USH2A: variants seen among roughly 807,000 people sequenced by gnomAD.
USH2A encodes the protein usherin, also known as Usher syndrome 2A (autosomal recessive, mild).
Under a neutral mutation model 538.9 loss-of-function variants are expected in USH2A, and 443 were observed. The observed-to-expected ratio is 0.82, with a 90% CI of 0.76 to 0.89. The LOEUF (loss-of-function observed/expected upper bound fraction) is 0.89, where lower values mean the gene tolerates loss of function less well. Ranked by LOEUF, USH2A falls within the 40% of genes least tolerant of loss-of-function variation. The probability of loss-of-function intolerance (pLI) is 0.00; values close to 1 mark genes in which losing one functional copy is unlikely to be tolerated. For missense variants in USH2A, 6,633 were observed against 6,324.8 expected (o/e 1.05, Z -1.65); for synonymous variants, 2,413 against 2,273.5 (o/e 1.06, Z -1.75).
rs555198000 is a variant in USH2A at position 216,057,257 on chromosome 1, A to G, written c.6050-8610T>C. ...CTCATCAACACTGCATTACCTAATG[A>G]AATCTTTCTACATTAGCTAAGCAGG... On this transcript the variant is annotated intron_variant, in intron 30 of 71. Coordinates refer to ENST00000307340, the MANE Select transcript of USH2A (RefSeq NM_206933.4). Among the ~76,000 whole-genome samples the G allele has an allele frequency of 2.6e-5, 4 of 152,348 alleles. No individual in the cohort carries two copies. The South Asian group carries it at 8.3e-4, about 32-fold the overall frequency.
intron 4 of USH2A, among the ~76,000 whole-genome samples, chr1:216,334,307 G>A (rs1424776174): frequency 6.6e-6 from 1 of 151,882 alleles, no homozygotes; most frequent in African/African-American, 2.4e-5. Context: ...AGATGTTAAT[G>A]ATAACATCCT....
At chr1:215,804,596 A>G (rs1662439455) in intron 49 of USH2A, among the ~76,000 whole-genome samples, 1 of 147,802 alleles carries the variant, frequency 6.8e-6, no homozygotes, top group East Asian at 2.1e-4. Context: ...ACTATCTCAC[A>G]CCAGTTAGAA....
In USH2A at chr1:216,217,816, G is replaced by T. The variant is rs868601196; in HGVS notation, c.2994-266C>A. Among the ~76,000 whole-genome samples the T allele has an allele frequency of 2.0e-5, 3 of 151,916 alleles. No individual in the cohort carries two copies. The East Asian group carries it at 5.8e-4, about 29-fold the overall frequency. ...TAATAGCAAAAAAAGATATTATATT[G>T]CTTTTTTACATCCCACAATATATCT... On this transcript the variant is annotated intron_variant, in intron 14 of 71. Coordinates refer to ENST00000307340, the MANE Select transcript of USH2A (RefSeq NM_206933.4).
intron 59 of USH2A, among the ~76,000 whole-genome samples, chr1:215,742,633 G>A (rs1051374997): frequency 5.9e-5 from 9 of 152,066 alleles, no homozygotes; most frequent in African/African-American, 2.2e-4. Context: ...GGAAATGGGG[G>A]AGGCTTTTCC....
At chr1:216,286,439 A>G (rs1317817469) in intron 11 of USH2A, among the ~76,000 whole-genome samples, 3 of 152,016 alleles carry the variant, frequency 2.0e-5, no homozygotes, top group Admixed American at 6.6e-5. Context: ...CATTAAATCT[A>G]TTCTTCTGGC....
intron 10 of USH2A, among the ~76,000 whole-genome samples, chr1:216,289,675 A>G (rs2036963431): frequency 6.6e-6 from 1 of 152,128 alleles, no homozygotes; most frequent in Non-Finnish European, 1.5e-5. Flanking sequence ...AGGGGCCCAT[A>G]CATTTGGAAA....
At chr1:215,983,634 C>A (rs1667806210) in intron 35 of USH2A, among the ~76,000 whole-genome samples, 1 of 152,132 alleles carries the variant, frequency 6.6e-6, no homozygotes, top group South Asian at 2.1e-4. Flanking sequence ...AAAACAAACA[C>A]ACACACACAA....
intron 32 of USH2A, among the ~76,000 whole-genome samples, chr1:216,010,585 T>G (rs189247722): frequency 6.6e-6 from 1 of 151,854 alleles, no homozygotes; most frequent in Admixed American, 6.6e-5. Flanking sequence ...CGGAGGCTAC[T>G]CACTCCACAT....
rs1211402887 is a variant in USH2A at position 215,970,745 on chromosome 1, A to G, written c.6837T>C (p.Asp2279=). 1 of 1,613,550 alleles carries G rather than the reference A, an allele frequency of 6.2e-7. No individual in the cohort carries two copies. The change falls in exon 36 of 72, where the codon GAT becomes GAC. Residue 2279 remains aspartate, a synonymous_variant. Coordinates refer to ENST00000307340, the MANE Select transcript of USH2A (RefSeq NM_206933.4). ...GVITSYGLYL[D]GILIHNSSEL... is the part of the protein sequence containing the mutation. ...CTGAGGAATTGTGGATTAATATACC[A>G]TCTAGATATAATCCATAACTCGTGA...
At chr1:215,973,656 C>CTTTTTTT (rs750306238) in intron 35 of USH2A, among the ~76,000 whole-genome samples, 36 of 130,962 alleles carry the variant, frequency 2.7e-4, no homozygotes, top group African/African-American at 6.1e-4. Flanking sequence ...TCTTCTTCTT[C>CTTTTTTT]TTTTTTTTTT....
At chr1:216,058,698 A>C (rs983222505) in intron 30 of USH2A, among the ~76,000 whole-genome samples, 15 of 152,196 alleles carry the variant, frequency 9.9e-5, no homozygotes, top group African/African-American at 3.6e-4. Flanking sequence ...CTTCTATAAA[A>C]TTAAAGAACT....
chr1:215,814,300 T>A (rs1662796140), intron 48 of USH2A, among the ~76,000 whole-genome samples: 1 of 147,384 alleles, frequency 6.8e-6, no homozygotes, highest in Non-Finnish European at 1.5e-5. Context: ...GATCTTTTAT[T>A]ATATAAAATT....
intron 55 of USH2A, among the ~76,000 whole-genome samples, chr1:215,776,530 G>T (rs1230908578): frequency 6.6e-6 from 1 of 152,102 alleles, no homozygotes; most frequent in Non-Finnish European, 1.5e-5. Context: ...GCCGAGGCAA[G>T]GTGCTCCCTT....
At chr1:215,936,035 A>AC (rs1553278017) in intron 37 of USH2A, among the ~76,000 whole-genome samples, 1 of 151,964 alleles carries the variant, frequency 6.6e-6, no homozygotes, top group Non-Finnish European at 1.5e-5. Context: ...ACAGAGTGAG[A>AC]TTTTTTTATC....
intron 4 of USH2A, among the ~76,000 whole-genome samples, chr1:216,358,475 GAT>G (rs1350047208): frequency 6.6e-6 from 1 of 151,856 alleles, no homozygotes; most frequent in Non-Finnish European, 1.5e-5. Flanking sequence ...TTAATTTTTT[GAT>G]TAAAAAAAGG....
chr1:216,011,971 A>AT lies in USH2A; in HGVS notation c.6326-11410dup, dbSNP rs36126185. Among the ~76,000 whole-genome samples the AT allele has an allele frequency of 3.2e-3, 90 of 28,518 alleles. 16 individuals are homozygous for AT. The highest frequency in any genetic ancestry group is 5.7e-3 in the East Asian group (3 of 522). 18.7% of individuals were successfully genotyped at this position (28,518 alleles called of 152,430 possible). A position where few individuals can be genotyped will look rare whatever the true frequency, so the allele number is the denominator to read the frequency against. ...CTGTTCCTCAGCCTGATCACGCTTG[A>AT]TTTTTTTTTTTTTTTTTTTTTTTTT... On this transcript the variant is annotated intron_variant, in intron 32 of 71. Transcript: ENST00000307340.
In USH2A at chr1:215,647,372, G is replaced by A. The variant is rs779407293; in HGVS notation, c.14791+150C>T. 4.4e-4 allele frequency: 439 copies of A among 993,390 alleles called. 1 individual carries two copies. Among genetic ancestry groups the A allele is most frequent in the South Asian group, 5.9e-4 (41 of 69,386 alleles). 61.5% of individuals were successfully genotyped at this position (993,390 alleles called of 1,614,324 possible). A position where few individuals can be genotyped will look rare whatever the true frequency, so the allele number is the denominator to read the frequency against. On this transcript the variant is annotated intron_variant, in intron 67 of 71. Coordinates refer to ENST00000307340, the MANE Select transcript of USH2A (RefSeq NM_206933.4). ...TAAATCCAGTAGGCATTTTTCCTCA[G>A]TAGTCATCCTCATCAATGCTTCAGT...
At chr1:216,024,770 C>T (rs1668924958) in intron 32 of USH2A, among the ~76,000 whole-genome samples, 1 of 151,932 alleles carries the variant, frequency 6.6e-6, no homozygotes, top group African/African-American at 2.4e-5. Context: ...AAGATAATTT[C>T]AGGTATCTGT....
At chr1:216,150,700 T>A (rs2033813372) in intron 21 of USH2A, among the ~76,000 whole-genome samples, 1 of 152,062 alleles carries the variant, frequency 6.6e-6, no homozygotes, top group Non-Finnish European at 1.5e-5. Flanking sequence ...TCGCACTTAT[T>A]TAAAAAACCT....
Sources: gnomAD v4.1 joint callset for allele counts (sites outside exome capture counted in the v4.1 genomes callset) on GRCh38, gnomAD v4.1.1 for gene constraint, MANE v1.5 for transcripts, NCBI Gene and HGNC (gene_info 2026-07-23, HGNC 2026-07-21) for gene names.